The following NOTCH2 variants were observed in gnomAD, a reference collection of about 807,000 sequenced individuals.
The protein encoded by NOTCH2 is neurogenic locus notch homolog protein 2.
NOTCH2 carries 29 observed loss-of-function variants against 235.8 expected under a neutral mutation model. The observed-to-expected ratio is 0.12, with a 90% CI of 0.09 to 0.17. NOTCH2 has a LOEUF of 0.17. Ranked by LOEUF, NOTCH2 falls within the 10% of genes least tolerant of loss-of-function variation. The probability of loss-of-function intolerance (pLI) is 1.00; values close to 1 mark genes in which losing one functional copy is unlikely to be tolerated. For missense variants in NOTCH2, 2,285 were observed against 3,150.2 expected (o/e 0.73, Z 6.57); for synonymous variants, 1,086 against 1,141.5 (o/e 0.95, Z 0.98).
intron 2 of NOTCH2, among the ~76,000 whole-genome samples, chr1:120,023,060 C>T (rs1653689662): frequency 6.6e-6 from 1 of 151,662 alleles, no homozygotes; most frequent in South Asian, 2.1e-4. Flanking sequence ...ATAATGTTAG[C>T]TAGCATTATA....
At position 119,967,985 on chromosome 1, in the gene NOTCH2, T is replaced by C. The variant is rs1249312611; in HGVS notation, c.1264+92A>G. 14 of 1,425,826 alleles carry C rather than the reference T, an allele frequency of 9.8e-6. No individual in the cohort carries two copies. The Admixed American group carries it at 1.9e-4, about 19-fold the overall frequency. The allele number at this position is 1,425,826 out of a possible 1,614,324, so 88.3% of individuals were successfully genotyped here. A position where few individuals can be genotyped will look rare whatever the true frequency, so the allele number is the denominator to read the frequency against. On this transcript the variant is annotated intron_variant, in intron 7 of 33. Coordinates refer to ENST00000256646, the MANE Select transcript of NOTCH2 (RefSeq NM_024408.4). ...GAGTAATCTGAGGTTTGGGTGTATG[T>C]AATTTGCTTCTACAGTAAAATGTGC...
intron 1 of NOTCH2, among the ~76,000 whole-genome samples, chr1:120,042,624 G>C (rs1654621262): frequency 7.3e-6 from 1 of 137,164 alleles, no homozygotes; most frequent in Non-Finnish European, 1.5e-5. Context: ...TATTAGTGTA[G>C]TGTTGGTGAT....
chr1:119,955,603 A>C (rs1392933763), intron 12 of NOTCH2, among the ~76,000 whole-genome samples: 1 of 152,246 alleles, frequency 6.6e-6, no homozygotes, highest in Admixed American at 6.5e-5. Context: ...AGCATTCATT[A>C]ACATGCTTTG....
At chr1:120,007,431 C>T (rs1346178985) in intron 2 of NOTCH2, among the ~76,000 whole-genome samples, 1 of 128,476 alleles carries the variant, frequency 7.8e-6, no homozygotes, top group Non-Finnish European at 1.5e-5. Flanking sequence ...TGGCTCACAC[C>T]TGTAATGCCA....
At chr1:120,045,714 G>A (rs587664529) in intron 1 of NOTCH2, among the ~76,000 whole-genome samples, 18 of 152,392 alleles carry the variant, frequency 1.2e-4, no homozygotes, top group Admixed American at 1.0e-3. Context: ...CAAGTATACA[G>A]TTTTTTAATT....
chr1:119,918,036 C>T (rs1358813701), intron 32 of NOTCH2, among the ~76,000 whole-genome samples: 2 of 152,172 alleles, frequency 1.3e-5, no homozygotes, highest in Non-Finnish European at 2.9e-5. Context: ...CTGTTACATA[C>T]TGAAGATAAA....
At chr1:120,042,632 G>T (rs1274796469) in intron 1 of NOTCH2, among the ~76,000 whole-genome samples, 1 of 135,198 alleles carries the variant, frequency 7.4e-6, no homozygotes, top group Non-Finnish European at 1.5e-5. Context: ...TAGTGTTGGT[G>T]ATTAAGTAAT....
intron 5 of NOTCH2, among the ~76,000 whole-genome samples, chr1:119,972,531 T>C (rs1028210594): frequency 6.6e-5 from 10 of 152,206 alleles, no homozygotes; most frequent in African/African-American, 2.4e-4. Context: ...ACAATGTGTT[T>C]AAAGCTATTT....
intron 5 of NOTCH2, among the ~76,000 whole-genome samples, chr1:119,981,413 T>C (rs1553201635): frequency 6.6e-6 from 1 of 152,222 alleles, no homozygotes; most frequent in Non-Finnish European, 1.5e-5. Context: ...TTACAGTATC[T>C]AGCATAATAT....
At chr1:120,027,769 T>A (rs1235750632) in intron 2 of NOTCH2, among the ~76,000 whole-genome samples, 4 of 151,262 alleles carry the variant, frequency 2.6e-5, no homozygotes, top group Non-Finnish European at 2.9e-5. Context: ...GAATGATGGC[T>A]TCCAGCTTCA....
At chr1:119,921,682 G>A (rs1649288389) in intron 29 of NOTCH2, 31 bp downstream of exon 29, 7 of 1,567,622 alleles carry the variant, frequency 4.5e-6, no homozygotes, top group Middle Eastern at 1.7e-4. Flanking sequence ...GATAATGGCT[G>A]ACAATGGTGG....
intron 1 of NOTCH2, among the ~76,000 whole-genome samples, chr1:120,063,230 G>C (rs1655377237): frequency 6.6e-6 from 1 of 152,044 alleles, no homozygotes; most frequent in South Asian, 2.1e-4. Flanking sequence ...TATTTCATTT[G>C]CTGCAGCAGC....
intron 4 of NOTCH2, among the ~76,000 whole-genome samples, chr1:119,991,784 G>A (rs1390437411): frequency 1.2e-5 from 1 of 85,472 alleles, no homozygotes; most frequent in Non-Finnish European, 2.1e-5. Flanking sequence ...CCGAGATAGC[G>A]CCATTGCACT....
At chr1:119,919,966 T>C (rs1649215465) in intron 30 of NOTCH2, among the ~76,000 whole-genome samples, 2 of 152,228 alleles carry the variant, frequency 1.3e-5, no homozygotes, top group Non-Finnish European at 2.9e-5. Flanking sequence ...GGGATATTAT[T>C]TTTCTATCCC....
rs60615590 is a variant in NOTCH2, at chr1:119,969,910, C to G, written c.875-166G>C. Among the ~76,000 whole-genome samples the G allele has an allele frequency of 0.013, 1,962 of 152,244 alleles. 41 individuals carry two copies. The highest frequency in any genetic ancestry group is 0.044 in the African/African-American group (1,839 of 41,542). ...GAATTTTAAGGCCAATTTGAGCCAT[C>G]TAAATGATATTTTTTCCAGGCAAAT... On this transcript the variant is annotated intron_variant, in intron 5 of 33. Coordinates refer to ENST00000256646, the MANE Select transcript of NOTCH2 (RefSeq NM_024408.4).
At chr1:120,029,861 C>T (rs1251477676) in intron 2 of NOTCH2, 45 bp downstream of exon 2, 1 of 580,930 alleles carries the variant, frequency 1.7e-6, no homozygotes, top group African/African-American at 2.1e-5. Flanking sequence ...AAATCTTGTC[C>T]AGTGTTCTAT....
chr1:120,000,009 A>AAGGG (rs1652682859), intron 3 of NOTCH2, among the ~76,000 whole-genome samples: 1 of 149,318 alleles, frequency 6.7e-6, no homozygotes, highest in Admixed American at 6.7e-5. Context: ...GGAAGGAAGG[A>AAGGG]AGGAAGGGAG....
In NOTCH2 at chr1:119,959,412, A is replaced by G. The variant is rs782784896; in HGVS notation, c.2006T>C (p.Val669Ala). ...CMDGINRYSC[V>A]CSPGFTGQRC... ...TTTACCTGTGAATCCTGGTGAGCAG[A>G]CACAACTGTAGCGATTAATGCCATC... is the stretch of plus-strand genomic sequence containing the variant. Residue 669 changes from valine to alanine, a missense_variant, in exon 12 of 34, where the codon GTC (valine) becomes GCC (alanine). Val to Ala is a moderately conservative substitution (Grantham distance 64). Transcript: ENST00000256646. 2 of 1,604,674 alleles carry G rather than the reference A, an allele frequency of 1.2e-6. No homozygotes were observed. The highest frequency in any genetic ancestry group is 1.7e-5 in the Admixed American group (1 of 59,992).
At chr1:119,923,538 G>C in intron 26 of NOTCH2, 99 bp downstream of exon 26, 1 of 1,064,554 alleles carries the variant, frequency 9.4e-7, no homozygotes, top group Non-Finnish European at 1.5e-6. Context: ...CTATTTTTCT[G>C]ATCTTTGCAT....
Sources: gnomAD v4.1 joint callset for allele counts (sites outside exome capture counted in the v4.1 genomes callset) on GRCh38, gnomAD v4.1.1 for gene constraint, MANE v1.5 for transcripts, NCBI Gene and HGNC (gene_info 2026-07-23, HGNC 2026-07-21) for gene names.